Variants in TMEM164 observed in about 807,000 individuals in gnomAD.
TMEM164 encodes transmembrane protein 164, also known as RP13-360B22.2.
A neutral mutation model predicts 18.8 loss-of-function variants in TMEM164; 4 were observed. That is an observed-to-expected ratio of 0.21 (90% CI 0.10 to 0.49). TMEM164 has a LOEUF of 0.49. Ranked by LOEUF, TMEM164 falls within the 20% of genes least tolerant of loss-of-function variation. TMEM164 has a pLI of 0.98. For missense variants in TMEM164, 108 were observed against 239.9 expected (o/e 0.45, Z 3.63); for synonymous variants, 86 against 101.7 (o/e 0.85, Z 0.93).
chrX:110,183,642 C>CAACA (rs1385521232), downstream of TMEM164, among the ~76,000 whole-genome samples: 1 of 112,358 alleles, frequency 8.9e-6, no homozygotes, highest in Non-Finnish European at 1.9e-5. Context: ...CTCATCAAGA[C>CAACA]AACAGTGAAT....
chrX:110,029,879 G>A (rs1425670720), intron 2 of TMEM164, among the ~76,000 whole-genome samples: 1 of 110,872 alleles, frequency 9.0e-6, no homozygotes, highest in African/African-American at 3.3e-5. Context: ...GGGAGCAGGT[G>A]ACCCAGTTAG....
chrX:110,180,854 C>G (rs2067321107), downstream of TMEM164, among the ~76,000 whole-genome samples: 1 of 111,861 alleles, frequency 8.9e-6, no homozygotes, highest in Admixed American at 9.4e-5. Context: ...TTCCACACTT[C>G]CCTTCTCCAT....
At chrX:110,133,145 T>C (rs904802635) in intron 4 of TMEM164, among the ~76,000 whole-genome samples, 1 of 110,335 alleles carries the variant, frequency 9.1e-6, no homozygotes, top group African/African-American at 3.4e-5. Context: ...TGTAATCTCT[T>C]CTTCTTTATT....
At chrX:110,162,453 G>A (rs1480083875) in intron 5 of TMEM164, among the ~76,000 whole-genome samples, 1 of 112,242 alleles carries the variant, frequency 8.9e-6, no homozygotes, top group Non-Finnish European at 1.9e-5. Flanking sequence ...GTGAAGCATG[G>A]CCTGGGTAGA....
chrX:110,027,356 A>T (rs752860039), intron 2 of TMEM164, among the ~76,000 whole-genome samples: 43 of 111,996 alleles, frequency 3.8e-4, no homozygotes, highest in African/African-American at 1.2e-3. Flanking sequence ...ATTTTCTAAT[A>T]TTAAATTGTC....
chrX:110,003,444 C>A (rs1277065749), intron 1 of TMEM164, 57 bp from the exon 2 acceptor site: 1 of 198,659 alleles, frequency 5.0e-6, no homozygotes, highest in African/African-American at 3.0e-5. Context: ...TCCTAATTCC[C>A]GGTGCAATTG....
chrX:110,025,145 G>A (rs1048155017), intron 2 of TMEM164, among the ~76,000 whole-genome samples: 3 of 110,888 alleles, frequency 2.7e-5, no homozygotes, highest in Non-Finnish European at 3.8e-5. Context: ...GCTGGCTCAC[G>A]TATGTCTCCA....
chrX:110,093,598 T>C (rs2065967375), intron 3 of TMEM164, among the ~76,000 whole-genome samples: 1 of 112,012 alleles, frequency 8.9e-6, no homozygotes, highest in African/African-American at 3.2e-5. Flanking sequence ...TTAGGCTTGA[T>C]AGTGGTCTAT....
chrX:110,064,815 A>AAAAAAT (rs917066697), intron 2 of TMEM164, among the ~76,000 whole-genome samples: 1 of 107,966 alleles, frequency 9.3e-6, no homozygotes, highest in South Asian at 4.1e-4. Flanking sequence ...TGTCTCCACA[A>AAAAAAT]AAAAATAAAA....
chrX:110,039,476 C>T (rs190053311), intron 2 of TMEM164, among the ~76,000 whole-genome samples: 1 of 112,627 alleles, frequency 8.9e-6, no homozygotes, highest in East Asian at 2.8e-4. Context: ...AAAGCAATTG[C>T]CACCCTGTTG....
chrX:110,137,021 T>G (rs923066387), intron 4 of TMEM164, among the ~76,000 whole-genome samples: 3 of 112,372 alleles, frequency 2.7e-5, no homozygotes, highest in African/African-American at 9.7e-5. Context: ...GAAGAAAATG[T>G]TAGATTTCTA....
Position 110,003,726 on chromosome X carries a change from C to T in TMEM164, c.-49C>T. 1 of 1,149,407 alleles carries T rather than the reference C, an allele frequency of 8.7e-7. No homozygotes were observed. The highest frequency in any genetic ancestry group is 2.7e-5 in the Admixed American group (1 of 37,479). 94.7% of individuals were successfully genotyped at this position (1,149,407 alleles called of 1,213,427 possible). ...CCGGGCAACCCTCTGGGCTTGTGTT[C>T]CATCTCACTCTTGCTTCCTGTACTG... On this transcript the variant is annotated 5_prime_UTR_variant, in exon 2 of 7. Transcript: ENST00000372068.
At chrX:110,065,229 C>A in intron 2 of TMEM164, 1 of 110,854 alleles carries the variant, frequency 9.0e-6, no homozygotes, top group Non-Finnish European at 1.9e-5. Context: ...GGAAATTTGT[C>A]CCCGAAAATC....
chrX:110,121,075 C>G (rs1362012466), intron 4 of TMEM164, among the ~76,000 whole-genome samples: 1 of 111,855 alleles, frequency 8.9e-6, no homozygotes, highest in Non-Finnish European at 1.9e-5. Context: ...GAAAAGATAC[C>G]AAAAGATAAC....
intron 4 of TMEM164, among the ~76,000 whole-genome samples, chrX:110,133,115 T>C (rs943390168): frequency 8.9e-6 from 1 of 111,883 alleles, no homozygotes; most frequent in Non-Finnish European, 1.9e-5. Context: ...TAGGGTTTTT[T>C]CCTCTGTGTC....
intron 6 of TMEM164, 110 bp downstream of exon 6, chrX:110,171,630 A>G (rs1295374612): frequency 3.1e-6 from 2 of 640,872 alleles, no homozygotes; most frequent in East Asian, 6.5e-5. Context: ...GCAAGATGCT[A>G]AAGGCCAGGA....
At chrX:110,129,603 G>C (rs1410178325) in intron 4 of TMEM164, among the ~76,000 whole-genome samples, 3 of 112,495 alleles carry the variant, frequency 2.7e-5, no homozygotes, top group Non-Finnish European at 5.6e-5. Flanking sequence ...TTTTATCCAG[G>C]ACTTTTGGAT....
chrX:110,060,144 G>T (rs981378563), intron 2 of TMEM164, among the ~76,000 whole-genome samples: 2 of 109,622 alleles, frequency 1.8e-5, no homozygotes, highest in African/African-American at 6.6e-5. Context: ...GCACATGCCT[G>T]TAGTCCTAAC....
rs1932476459 is a variant in TMEM164 at position 110,003,529 on chromosome X, C to T, written c.-246C>T. 2 of 328,889 alleles carry T rather than the reference C, an allele frequency of 6.1e-6. No individual in the cohort carries two copies. Among genetic ancestry groups the T allele is most frequent in the Non-Finnish European group, 1.0e-5 (2 of 190,823 alleles). 27.1% of individuals were successfully genotyped at this position (328,889 alleles called of 1,213,427 possible). ...GGCCAACGGCTCCTTTCAACCCTGC[C>T]TCGTTGGTGGCCACTGGAGAAGCGC... is the stretch of plus-strand genomic sequence containing the variant. On this transcript the variant is annotated 5_prime_UTR_variant, in exon 2 of 7. Transcript: ENST00000372068.
Sources: gnomAD v4.1 joint callset for allele counts (sites outside exome capture counted in the v4.1 genomes callset) on GRCh38, gnomAD v4.1.1 for gene constraint, MANE v1.5 for transcripts, NCBI Gene and HGNC (gene_info 2026-07-23, HGNC 2026-07-21) for gene names.